Variants in NUDCD3 observed in about 807,000 individuals in gnomAD.
NUDCD3 encodes NudC domain containing 3, also known as nudC domain-containing protein 3.
Under a neutral mutation model 39.7 loss-of-function variants are expected in NUDCD3, and 13 were observed. The ratio of observed to expected loss-of-function variants is 0.33; its 90% CI spans 0.21 to 0.52. The LOEUF (loss-of-function observed/expected upper bound fraction) is 0.52, where lower values mean the gene tolerates loss of function less well. Among genes scored for constraint, NUDCD3 ranks in the 20% least tolerant of loss-of-function variants. The probability of loss-of-function intolerance (pLI) is 0.96; values close to 1 mark genes in which losing one functional copy is unlikely to be tolerated. For missense variants in NUDCD3, 453 were observed against 458.1 expected (o/e 0.99, Z 0.10); for synonymous variants, 175 against 172.4 (o/e 1.02, Z -0.12).
intron 2 of NUDCD3, among the ~76,000 whole-genome samples, chr7:44,450,170 G>A (rs1248025498): frequency 1.3e-5 from 2 of 151,292 alleles, no homozygotes; most frequent in Admixed American, 1.3e-4. Flanking sequence ...GAACCTATAA[G>A]AATGTCTAAT....
At chr7:44,483,676 C>T (rs1585110473) in intron 2 of NUDCD3, among the ~76,000 whole-genome samples, 1 of 152,282 alleles carries the variant, frequency 6.6e-6, no homozygotes, top group East Asian at 1.9e-4. Context: ...CTTGCCCCTC[C>T]TGTCTTTACA....
intron 4 of NUDCD3, chr7:44,402,677 G>A: frequency 2.2e-6 from 1 of 456,692 alleles, no homozygotes; most frequent in Non-Finnish European, 4.4e-6. Flanking sequence ...CAACTTGAGA[G>A]CATCGTGACC....
chr7:44,403,559 G>A (rs115328941), intron 4 of NUDCD3, among the ~76,000 whole-genome samples: 1,679 of 152,264 alleles, frequency 0.011, 31 homozygotes, highest in African/African-American at 0.038. Context: ...ATGTCCCTCC[G>A]AGCATGAGGA....
At chr7:44,478,016 TAG>T (rs1800412772) in intron 2 of NUDCD3, among the ~76,000 whole-genome samples, 1 of 151,948 alleles carries the variant, frequency 6.6e-6, no homozygotes, top group Non-Finnish European at 1.5e-5. Flanking sequence ...TGTATTTTTA[TAG>T]AGACAGAGTT....
intron 2 of NUDCD3, among the ~76,000 whole-genome samples, chr7:44,448,790 G>GA (rs1173628400): frequency 6.6e-5 from 10 of 151,294 alleles, no homozygotes; most frequent in South Asian, 4.2e-4. Flanking sequence ...GAGAGAGAGA[G>GA]AAAAAAAAAC....
At chr7:44,443,001 C>T (rs978655385) in intron 2 of NUDCD3, among the ~76,000 whole-genome samples, 1 of 152,146 alleles carries the variant, frequency 6.6e-6, no homozygotes, top group Non-Finnish European at 1.5e-5. Context: ...CGCACCTGGC[C>T]TCCCCTTTTC....
chr7:44,455,570 T>C (rs1334705481), intron 2 of NUDCD3, among the ~76,000 whole-genome samples: 1 of 152,172 alleles, frequency 6.6e-6, no homozygotes, highest in Non-Finnish European at 1.5e-5. Flanking sequence ...TACATATGTG[T>C]GACAGCTCAT....
At position 44,385,051 on chromosome 7, in the gene NUDCD3, G is replaced by A. The variant is rs1248371843; in HGVS notation, c.*960C>T. The A allele has an allele frequency of 6.6e-6, 1 of 152,292 alleles. No homozygotes were observed. The highest frequency in any genetic ancestry group is 2.4e-5 in the African/African-American group (1 of 41,442). 9.4% of individuals were successfully genotyped at this position (152,292 alleles called of 1,614,324 possible). A position where few individuals can be genotyped will look rare whatever the true frequency, so the allele number is the denominator to read the frequency against. ...CTCTCTTCTGGTTCAGTTGTGGTGG[G>A]ACAGTGTGCCTTCACGCCCCATGCA... On this transcript the variant is annotated 3_prime_UTR_variant, in exon 6 of 6. Transcript: ENST00000355451.
intron 2 of NUDCD3, chr7:44,468,366 AAAAAG>A (rs1367165277): frequency 7.0e-6 from 9 of 1,294,334 alleles, no homozygotes; most frequent in African/African-American, 3.0e-5. Flanking sequence ...AAAAAAAAAA[AAAAAG>A]AAAAGAAAAC....
rs914922736 is a variant in NUDCD3, at chr7:44,454,022, G to A, written c.510-26319C>T. Among the ~76,000 whole-genome samples, 15 of 151,864 alleles carry A rather than the reference G, an allele frequency of 9.9e-5. No homozygotes were observed. In the South Asian group the frequency reaches 1.7e-3, roughly 17 times the overall value. Reference sequence around the variant, plus strand: ...TGTGCCATTGCGCTCCAACCTGGGCGACAGAGCAAGGCCTTGTTTCAAAAA... The same window carrying A: ...TGTGCCATTGCGCTCCAACCTGGGCAACAGAGCAAGGCCTTGTTTCAAAAA... On this transcript the variant is annotated intron_variant, in intron 2 of 5. Transcript: ENST00000355451.
chr7:44,455,771 C>T (rs559100479), intron 2 of NUDCD3, among the ~76,000 whole-genome samples: 105 of 152,120 alleles, frequency 6.9e-4, no homozygotes, highest in African/African-American at 2.4e-3. Flanking sequence ...TAAAAAACAA[C>T]AATACAGCAC....
chr7:44,462,945 CTGTGTGTGTGTGTGTGTGTGTGTGTGTG>C (rs3138779), intron 2 of NUDCD3, among the ~76,000 whole-genome samples: 28 of 146,792 alleles, frequency 1.9e-4, no homozygotes, highest in South Asian at 1.1e-3. Flanking sequence ...CACAACCAGG[CTGTGTGTGTGTGTGTGTGTGTGTGTGTG>C]TGTGTGTGTG....
In NUDCD3 at chr7:44,462,387, A is replaced by G. The variant is rs79764785; in HGVS notation, c.509+22581T>C. On this transcript the variant is annotated intron_variant, in intron 2 of 5. Transcript: ENST00000355451. ...TGTGTGCCACTAGCATCTCAACCAC[A>G]TAATTACCCAGAAAAAATTAACAGA... Among the ~76,000 whole-genome samples, 690 of 152,326 alleles carry G rather than the reference A, an allele frequency of 4.5e-3. 7 individuals are homozygous for G. Among genetic ancestry groups the G allele is most frequent in the African/African-American group, 0.016 (645 of 41,572 alleles).
chr7:44,398,063 G>A (rs1220035282), intron 4 of NUDCD3, among the ~76,000 whole-genome samples: 1 of 152,094 alleles, frequency 6.6e-6, no homozygotes, highest in Non-Finnish European at 1.5e-5. Flanking sequence ...CCAAAGGGAG[G>A]TCTGACTTCT....
In NUDCD3 at chr7:44,413,217, G is replaced by A. The variant is rs1327919079; in HGVS notation, c.643-8634C>T. 2.6e-5 allele frequency: 4 copies of A among 152,142 alleles called. No homozygotes were observed. The East Asian group carries it at 5.8e-4, about 22-fold the overall frequency. 9.4% of individuals were successfully genotyped at this position (152,142 alleles called of 1,614,324 possible). On this transcript the variant is annotated intron_variant, in intron 3 of 5. Coordinates refer to ENST00000355451, the MANE Select transcript of NUDCD3 (RefSeq NM_015332.4). Reference sequence around the variant, plus strand: ...TGTAATTCCAGCACTTTGGGAGTCTGAGGCAGGGGGATTACTTGAGCCTAG... The same window carrying A: ...TGTAATTCCAGCACTTTGGGAGTCTAAGGCAGGGGGATTACTTGAGCCTAG...
intron 1 of NUDCD3, among the ~76,000 whole-genome samples, chr7:44,487,528 G>A (rs773388541): frequency 4.0e-5 from 6 of 151,710 alleles, no homozygotes; most frequent in Non-Finnish European, 7.4e-5. Context: ...CTACTACCAC[G>A]AAGAAATAAT....
chr7:44,407,138 T>C (rs1798837337), intron 3 of NUDCD3, among the ~76,000 whole-genome samples: 1 of 151,402 alleles, frequency 6.6e-6, no homozygotes, highest in Non-Finnish European at 1.5e-5. Context: ...CTATGTCCTA[T>C]AAAGCAAAGC....
rs530526736 is a variant in NUDCD3, at chr7:44,442,923, C to T, written c.510-15220G>A. Among the ~76,000 whole-genome samples the T allele has an allele frequency of 2.6e-5, 4 of 152,158 alleles. No homozygotes were observed. In the East Asian group the frequency reaches 5.8e-4, roughly 22 times the overall value. ...TTCACCGTATTAGCCAGGATGGTCTCGATCTCCTGACCTCGTGATCCACCC... is the reference window on the plus strand; with the variant it reads ...TTCACCGTATTAGCCAGGATGGTCTTGATCTCCTGACCTCGTGATCCACCC... On this transcript the variant is annotated intron_variant, in intron 2 of 5. Transcript: ENST00000355451.
chr7:44,385,039 C>G lies in NUDCD3; in HGVS notation c.*972G>C, dbSNP rs1798377549. The stretch of plus-strand genomic sequence containing the variant: ...GGGGAGTCTTCACTCTCTTCTGGTT[C>G]AGTTGTGGTGGGACAGTGTGCCTTC... On this transcript the variant is annotated 3_prime_UTR_variant, in exon 6 of 6. Transcript: ENST00000355451. The G allele has an allele frequency of 6.6e-6, 1 of 152,274 alleles. No homozygotes were observed. The highest frequency in any genetic ancestry group is 1.5e-5 in the Non-Finnish European group (1 of 68,096). 9.4% of individuals were successfully genotyped at this position (152,274 alleles called of 1,614,324 possible).
Sources: allele counts gnomAD v4.1 joint callset (sites outside exome capture counted in the v4.1 genomes callset), GRCh38; gene constraint gnomAD v4.1.1; transcripts MANE v1.5; gene names NCBI Gene and HGNC (gene_info 2026-07-23, HGNC 2026-07-21).